Variants in DNAL1 observed in about 807,000 individuals in gnomAD.
DNAL1 encodes dynein axonemal light chain 1, also known as chromosome 14 open reading frame 168.
DNAL1 carries 17 observed loss-of-function variants against 29.4 expected under a neutral mutation model. The ratio of observed to expected loss-of-function variants is 0.58; its 90% CI spans 0.40 to 0.87. The LOEUF is 0.87. Among genes scored for constraint, DNAL1 ranks in the 40% least tolerant of loss-of-function variants. DNAL1 has a pLI of 0.00. For missense variants in DNAL1, 188 were observed against 214.1 expected (o/e 0.88, Z 0.76); for synonymous variants, 78 against 76.3 (o/e 1.02, Z -0.12).
chr14:73,687,489 G>A (rs1892047584), intron 6 of DNAL1, 104 bp downstream of exon 6: 2 of 1,302,478 alleles, frequency 1.5e-6, no homozygotes, highest in Non-Finnish European at 1.0e-6. Context: ...TAAGCACAGA[G>A]AGAAAGTGGA....
intron 6 of DNAL1, 41 bp from the exon 7 acceptor site, chr14:73,689,334 A>C: frequency 6.5e-7 from 1 of 1,548,832 alleles, no homozygotes; most frequent in Non-Finnish European, 8.7e-7. Flanking sequence ...ACCCGGCCAA[A>C]ACTTAGTGTT....
At chr14:73,687,227 A>G in intron 5 of DNAL1, 32 bp from the exon 6 acceptor site, 1 of 1,608,490 alleles carries the variant, frequency 6.2e-7, no homozygotes, top group Non-Finnish European at 8.5e-7. Flanking sequence ...AAGCTTAAAC[A>G]TAAACATAAA....
intron 1 of DNAL1, 69 bp from the exon 2 acceptor site, chr14:73,654,778 A>G: frequency 7.3e-7 from 1 of 1,375,964 alleles, no homozygotes; most frequent in Non-Finnish European, 9.7e-7. Context: ...ACATACATAC[A>G]TACATACATA....
intron 1 of DNAL1, among the ~76,000 whole-genome samples, chr14:73,648,136 C>A (rs903890119): frequency 1.3e-5 from 2 of 151,926 alleles, no homozygotes; most frequent in African/African-American, 4.8e-5. Flanking sequence ...CACCACCACG[C>A]CCGGCTAATT....
intron 1 of DNAL1, among the ~76,000 whole-genome samples, chr14:73,646,253 G>A (rs1272028854): frequency 6.6e-6 from 1 of 152,154 alleles, no homozygotes. Context: ...ATCAGAACCA[G>A]TACAGTTATA....
chr14:73,696,086 T>C lies in DNAL1; in HGVS notation c.*144T>C, dbSNP rs1892293983. 4 of 762,612 alleles carry C rather than the reference T, an allele frequency of 5.2e-6. No homozygotes were observed. In the East Asian group the frequency reaches 9.2e-5, roughly 17 times the overall value. 47.2% of individuals were successfully genotyped at this position (762,612 alleles called of 1,614,324 possible). ...GATCACTCATTCTCATCTTTTTTTT[T>C]CCTTTAACTTATTCAGTGTTTCTCC... On this transcript the variant is annotated 3_prime_UTR_variant, in exon 8 of 8. Coordinates refer to ENST00000553645, the MANE Select transcript of DNAL1 (RefSeq NM_031427.4).
At chr14:73,685,883 A>G (rs981550204) in intron 5 of DNAL1, among the ~76,000 whole-genome samples, 1 of 152,178 alleles carries the variant, frequency 6.6e-6, no homozygotes, top group African/African-American at 2.4e-5. Context: ...TGAATTTGCT[A>G]CTGTGAACAT....
At chr14:73,659,075 G>A (rs1891279559) in intron 3 of DNAL1, 119 bp downstream of exon 3, 1 of 691,952 alleles carries the variant, frequency 1.4e-6, no homozygotes, top group Non-Finnish European at 2.2e-6. Context: ...TGTTTGCTTA[G>A]TGTAATTCTC....
chr14:73,678,687 T>C (rs1413323819), intron 5 of DNAL1, among the ~76,000 whole-genome samples: 2 of 152,114 alleles, frequency 1.3e-5, no homozygotes, highest in African/African-American at 4.8e-5. Flanking sequence ...GAGTTTTTCA[T>C]ACATGGACAA....
intron 5 of DNAL1, among the ~76,000 whole-genome samples, chr14:73,680,264 C>T (rs1201284806): frequency 2.0e-5 from 3 of 152,114 alleles, no homozygotes; most frequent in Admixed American, 6.6e-5. Flanking sequence ...AGCTAGGCCA[C>T]GGCTGACGGA....
At chr14:73,690,033 G>A (rs1316398553) in intron 7 of DNAL1, among the ~76,000 whole-genome samples, 6 of 77,448 alleles carry the variant, frequency 7.7e-5, no homozygotes, top group Admixed American at 1.6e-4. Context: ...GTGAAATTCC[G>A]TCTCAAAAAA....
rs1289841172 is a variant in DNAL1 at position 73,664,142 on chromosome 14, G to GCAGGTT, written c.208+2103_208+2104insGTTCAG. Among the ~76,000 whole-genome samples the GCAGGTT allele has an allele frequency of 2.6e-5, 4 of 152,196 alleles. No homozygotes were observed. The South Asian group carries it at 6.2e-4, about 24-fold the overall frequency. ...ACCCTACATACTTATCTGTGCAGGT[G>GCAGGTT]CAGCCTGAGTTTTCCACAGACTGTT... On this transcript the variant is annotated intron_variant, in intron 4 of 7. Transcript: ENST00000553645.
At position 73,699,181 on chromosome 14, in the gene DNAL1, T is replaced by C. The variant is rs1039530670; in HGVS notation, c.*3239T>C. On this transcript the variant is annotated 3_prime_UTR_variant, in exon 8 of 8. Coordinates refer to ENST00000553645, the MANE Select transcript of DNAL1 (RefSeq NM_031427.4). ...GTTGTACTTTTTATACCAACATCAC[T>C]TGTGTCCAGGGTCCATTTATTTTCA... is the stretch of plus-strand genomic sequence containing the variant. 6.6e-6 allele frequency: 1 copy of C among 152,216 alleles called. No individual in the cohort carries two copies. Among genetic ancestry groups the C allele is most frequent in the Admixed American group, 6.5e-5 (1 of 15,286 alleles). 9.4% of individuals were successfully genotyped at this position (152,216 alleles called of 1,614,324 possible). A position where few individuals can be genotyped will look rare whatever the true frequency, so the allele number is the denominator to read the frequency against.
In DNAL1 at chr14:73,702,510, C is replaced by T. The variant is rs1007023496; in HGVS notation, c.*6568C>T. The T allele has an allele frequency of 2.6e-5, 4 of 152,010 alleles. No homozygotes were observed. The highest frequency in any genetic ancestry group is 9.7e-5 in the African/African-American group (4 of 41,366). 9.4% of individuals were successfully genotyped at this position (152,010 alleles called of 1,614,324 possible). On this transcript the variant is annotated 3_prime_UTR_variant, in exon 8 of 8. Transcript: ENST00000553645. ...TTTCTCCCAGGCTTGTAACTCTTCC[C>T]CAGTTCTTTGGGCACTATTTCAAAT...
At chr14:73,683,226 T>C (rs1291099040) in intron 5 of DNAL1, among the ~76,000 whole-genome samples, 3 of 152,162 alleles carry the variant, frequency 2.0e-5, no homozygotes, top group East Asian at 1.9e-4. Flanking sequence ...TAAATAACTA[T>C]AAAAAGTATA....
chr14:73,678,664 A>C (rs1157339423), intron 5 of DNAL1, among the ~76,000 whole-genome samples: 1 of 152,094 alleles, frequency 6.6e-6, no homozygotes, highest in African/African-American at 2.4e-5. Flanking sequence ...TGTCCCACCT[A>C]TTCTATATTT....
chr14:73,652,502 C>A (rs1357986056), intron 1 of DNAL1, among the ~76,000 whole-genome samples: 1 of 152,098 alleles, frequency 6.6e-6, no homozygotes, highest in African/African-American at 2.4e-5. Flanking sequence ...TCTCGAACTC[C>A]TGGGCTCAAG....
At chr14:73,664,451 C>G (rs895881425) in intron 4 of DNAL1, among the ~76,000 whole-genome samples, 5 of 152,176 alleles carry the variant, frequency 3.3e-5, no homozygotes, top group African/African-American at 1.2e-4. Flanking sequence ...CATCTAAAAG[C>G]TTTTAGTATC....
In DNAL1 at chr14:73,678,970, G is replaced by A. The variant is rs148489379; in HGVS notation, c.264+7373G>A. ...TTCTGGGCAAGGGAGCTGGGGTATAGGGTGAGAAAGACTTTTCTATTTTTA... is the reference window on the plus strand; with the variant it reads ...TTCTGGGCAAGGGAGCTGGGGTATAAGGTGAGAAAGACTTTTCTATTTTTA... On this transcript the variant is annotated intron_variant, in intron 5 of 7. Coordinates refer to ENST00000553645, the MANE Select transcript of DNAL1 (RefSeq NM_031427.4). Among the ~76,000 whole-genome samples, 461 of 152,208 alleles carry A rather than the reference G, an allele frequency of 3.0e-3. 1 individual carries two copies. The highest frequency in any genetic ancestry group is 0.011 in the African/African-American group (446 of 41,540).
Sources: gnomAD v4.1 joint callset for allele counts (sites outside exome capture counted in the v4.1 genomes callset) on GRCh38, gnomAD v4.1.1 for gene constraint, MANE v1.5 for transcripts, NCBI Gene and HGNC (gene_info 2026-07-23, HGNC 2026-07-21) for gene names.